The following CDH13 variants were observed in gnomAD, a reference collection of about 807,000 sequenced individuals.
CDH13 encodes cadherin-13.
A neutral mutation model predicts 63.8 loss-of-function variants in CDH13; 24 were observed. The observed-to-expected ratio is 0.38, with a 90% CI of 0.27 to 0.53. CDH13 has a LOEUF of 0.53. Among genes scored for constraint, CDH13 ranks in the 20% least tolerant of loss-of-function variants. The probability of loss-of-function intolerance (pLI) is 0.85; values close to 1 mark genes in which losing one functional copy is unlikely to be tolerated. For synonymous variants in CDH13, 503 were observed against 355.3 expected (o/e 1.42, Z -4.67); for missense variants, 1,049 against 903.1 (o/e 1.16, Z -2.07).
intron 1 of CDH13, among the ~76,000 whole-genome samples, chr16:82,695,293 C>G (rs1020087474): frequency 1.3e-5 from 2 of 152,160 alleles, no homozygotes; most frequent in Admixed American, 1.3e-4. Flanking sequence ...TTTCTGAATC[C>G]TCAGATGTAA....
At chr16:83,330,745 C>G (rs1387279011) in intron 5 of CDH13, among the ~76,000 whole-genome samples, 1 of 152,198 alleles carries the variant, frequency 6.6e-6, no homozygotes, top group Non-Finnish European at 1.5e-5. Context: ...GGGTCCATGA[C>G]CTCAGCCCAA....
chr16:83,065,574 G>A (rs758339480), intron 3 of CDH13, among the ~76,000 whole-genome samples: 1 of 151,974 alleles, frequency 6.6e-6, no homozygotes. Context: ...GTGTGGTGGT[G>A]CACGCCTGTA....
intron 7 of CDH13, among the ~76,000 whole-genome samples, chr16:83,543,738 C>T (rs1036734866): frequency 6.6e-6 from 1 of 152,178 alleles, no homozygotes; most frequent in Non-Finnish European, 1.5e-5. Flanking sequence ...GTATGCTGCT[C>T]TCATCTAATG....
chr16:83,744,916 G>T (rs1025930433), intron 10 of CDH13, among the ~76,000 whole-genome samples: 1 of 152,188 alleles, frequency 6.6e-6, no homozygotes, highest in African/African-American at 2.4e-5. Context: ...ACGGCTGGGG[G>T]GAAGCAGCAG....
intron 2 of CDH13, among the ~76,000 whole-genome samples, chr16:82,988,389 T>C (rs558128807): frequency 4.6e-5 from 7 of 151,974 alleles, no homozygotes; most frequent in Middle Eastern, 3.4e-3. Context: ...TAGTGTGAAG[T>C]AGAGAAATTG....
At chr16:82,987,374 T>C (rs551097631) in intron 2 of CDH13, among the ~76,000 whole-genome samples, 2 of 152,214 alleles carry the variant, frequency 1.3e-5, no homozygotes, top group South Asian at 4.2e-4. Flanking sequence ...TGTTTGTTTG[T>C]TTGTTTGTTT....
intron 1 of CDH13, among the ~76,000 whole-genome samples, chr16:82,753,986 C>G (rs2034520808): frequency 6.6e-6 from 1 of 152,186 alleles, no homozygotes; most frequent in Non-Finnish European, 1.5e-5. Flanking sequence ...ATCATGATCA[C>G]TCAGGAACCC....
At chr16:82,711,660 A>G (rs2031956687) in intron 1 of CDH13, among the ~76,000 whole-genome samples, 2 of 152,224 alleles carry the variant, frequency 1.3e-5, no homozygotes, top group South Asian at 4.1e-4. Flanking sequence ...TCCAGGGGAA[A>G]GTCAGGACTG....
chr16:83,368,559 G>A (rs1415042042), intron 6 of CDH13, among the ~76,000 whole-genome samples: 2 of 151,656 alleles, frequency 1.3e-5, no homozygotes, highest in South Asian at 4.2e-4. Context: ...GGAACAGGTG[G>A]TGTTTGGTTA....
intron 6 of CDH13, among the ~76,000 whole-genome samples, chr16:83,405,267 C>G (rs1046065273): frequency 6.6e-6 from 1 of 152,148 alleles, no homozygotes; most frequent in Non-Finnish European, 1.5e-5. Context: ...TCCCCCATCC[C>G]CCTGGAAGAT....
chr16:82,710,553 A>ATATG (rs2031849279), intron 1 of CDH13, among the ~76,000 whole-genome samples: 1 of 46,766 alleles, frequency 2.1e-5, no homozygotes, highest in Non-Finnish European at 4.3e-5. Context: ...AAAAAAAAAA[A>ATATG]TATATATATA....
At chr16:82,903,256 C>G (rs1597178074) in intron 2 of CDH13, among the ~76,000 whole-genome samples, 1 of 152,218 alleles carries the variant, frequency 6.6e-6, no homozygotes, top group South Asian at 2.1e-4. Context: ...GGCCCAGCAC[C>G]TTGGTTAGGT....
chr16:83,196,786 T>G (rs980075132), intron 4 of CDH13, among the ~76,000 whole-genome samples: 9 of 152,290 alleles, frequency 5.9e-5, no homozygotes, highest in African/African-American at 2.2e-4. Context: ...TAAAAAGCAG[T>G]AACATCAAAT....
At chr16:83,789,798 C>T (rs1004217472) in intron 13 of CDH13, among the ~76,000 whole-genome samples, 8 of 152,124 alleles carry the variant, frequency 5.3e-5, no homozygotes, top group African/African-American at 1.9e-4. Flanking sequence ...ATCTGGTCTA[C>T]TGCCCATTTT....
chr16:83,615,117 C>T (rs1909176579), intron 8 of CDH13, among the ~76,000 whole-genome samples: 1 of 152,096 alleles, frequency 6.6e-6, no homozygotes, highest in African/African-American at 2.4e-5. Context: ...CCACCCTTTG[C>T]CAGAAGTCTA....
chr16:82,929,685 A>G (rs1166559222), intron 2 of CDH13, among the ~76,000 whole-genome samples: 1 of 142,456 alleles, frequency 7.0e-6, no homozygotes, highest in Non-Finnish European at 1.5e-5. Context: ...AAAAAAAAAG[A>G]AGACAGCCGT....
At chr16:83,453,438 A>T (rs1390319515) in intron 6 of CDH13, among the ~76,000 whole-genome samples, 1 of 152,214 alleles carries the variant, frequency 6.6e-6, no homozygotes, top group East Asian at 1.9e-4. Flanking sequence ...TACACCCCAC[A>T]CAGGATTGTT....
intron 5 of CDH13, among the ~76,000 whole-genome samples, chr16:83,271,510 CAA>C (rs2088814910): frequency 1.6e-5 from 1 of 63,180 alleles, no homozygotes; most frequent in African/African-American, 6.1e-5. Flanking sequence ...TAAAAAAAAA[CAA>C]AACAAAACAA....
chr16:83,578,791 G>T (rs1013749262), intron 7 of CDH13, among the ~76,000 whole-genome samples: 1 of 152,164 alleles, frequency 6.6e-6, no homozygotes, highest in Non-Finnish European at 1.5e-5. Flanking sequence ...ATTAATAACT[G>T]CTCAATAAAT....
Sources: gnomAD v4.1 joint callset for allele counts (sites outside exome capture counted in the v4.1 genomes callset) on GRCh38, gnomAD v4.1.1 for gene constraint, MANE v1.5 for transcripts, NCBI Gene and HGNC (gene_info 2026-07-23, HGNC 2026-07-21) for gene names.